TMEM79: variants seen among roughly 807,000 people sequenced by gnomAD.
TMEM79 encodes the protein transmembrane protein 79, also known as mattrin.
A neutral mutation model predicts 31.2 loss-of-function variants in TMEM79; 30 were observed. The observed-to-expected ratio is 0.96, with a 90% CI of 0.72 to 1.30. The LOEUF is 1.30. Ranked by LOEUF, TMEM79 falls within the 50% of genes most tolerant of loss-of-function variation. The probability of loss-of-function intolerance (pLI) is 0.00; values close to 1 mark genes in which losing one functional copy is unlikely to be tolerated. For synonymous variants in TMEM79, 213 were observed against 229.5 expected, an observed-to-expected ratio of 0.93 and a Z score of 0.65; for missense variants, 509 against 528.2, an observed-to-expected ratio of 0.96 and a Z score of 0.36.
rs962632350 is a variant in TMEM79 at position 156,291,613 on chromosome 1, G to A, written c.*15G>A. The A allele has an allele frequency of 6.2e-6, 10 of 1,609,980 alleles. No homozygotes were observed. The African/African-American group carries it at 6.7e-5, about 11-fold the overall frequency. ...CCTGGGGCTGAGCCTCTCCGCCCTC[G>A]CCCTCGGAGTAGGGGGTAGCGGCTT... On this transcript the variant is annotated 3_prime_UTR_variant, in exon 4 of 4. Transcript: ENST00000405535.
chr1:156,290,375 T>C (rs904579147), intron 3 of TMEM79: 1 of 151,258 alleles, frequency 6.6e-6, no homozygotes, highest in Middle Eastern at 3.4e-3. Context: ...AAGAAAAAAA[T>C]AAAAGAAAAA....
At position 156,285,721 on chromosome 1, in the gene TMEM79, C is replaced by G. The variant is rs1240937066; in HGVS notation, c.495C>G (p.Thr165=). The part of the protein sequence containing the change: ...ECRTFMPPRV[T]HPDPTERKWA... Reference sequence around the variant, plus strand: ...GAACCTTCATGCCCCCCCGGGTCACCCACCCCGACCCCACTGAGCGCAAGT... The same window carrying G: ...GAACCTTCATGCCCCCCCGGGTCACGCACCCCGACCCCACTGAGCGCAAGT... The change falls in exon 2 of 4, where the codon ACC becomes ACG. Residue 165 remains threonine (T), a synonymous_variant. Coordinates refer to ENST00000405535, the MANE Select transcript of TMEM79 (RefSeq NM_032323.3). The G allele has an allele frequency of 1.2e-6, 2 of 1,613,146 alleles. No homozygotes were observed. The highest frequency in any genetic ancestry group is 1.7e-6 in the Non-Finnish European group (2 of 1,180,028).
Position 156,291,761 on chromosome 1 carries a change from T to G in TMEM79, c.*163T>G, listed in dbSNP as rs942355595. ...CTCCAATCAATCGGAGTTCTCCCCTTGCCGGAGCTGCCCTTCACCTTTGGG... is the reference window on the plus strand; with the variant it reads ...CTCCAATCAATCGGAGTTCTCCCCTGGCCGGAGCTGCCCTTCACCTTTGGG... On this transcript the variant is annotated 3_prime_UTR_variant, in exon 4 of 4. Transcript: ENST00000405535. The G allele has an allele frequency of 1.6e-6, 1 of 642,788 alleles. No homozygotes were observed. Among genetic ancestry groups the G allele is most frequent in the Non-Finnish European group, 2.7e-6 (1 of 365,840 alleles). The allele number at this position is 642,788 out of a possible 1,614,324, so 39.8% of individuals were successfully genotyped here.
At chr1:156,283,750 C>T (rs1419561649), upstream of TMEM79, among the ~76,000 whole-genome samples, 1 of 152,214 alleles carries the variant, frequency 6.6e-6, no homozygotes, top group Admixed American at 6.5e-5. Context: ...CAGCCTAAGT[C>T]TTTCCCATCC....
rs2101597059 is a variant in TMEM79, at chr1:156,291,876, C to T, written c.*278C>T. On this transcript the variant is annotated 3_prime_UTR_variant, in exon 4 of 4. Coordinates refer to ENST00000405535, the MANE Select transcript of TMEM79 (RefSeq NM_032323.3). ...TCTTAAGGATGCTGAGGGCATGGGG[C>T]CAGGACCAGGGGAGAGGCACAGCTC... 1 of 592,970 alleles carries T rather than the reference C, an allele frequency of 1.7e-6. No individual in the cohort carries two copies. The highest frequency in any genetic ancestry group is 3.0e-6 in the Non-Finnish European group (1 of 332,606). The allele number at this position is 592,970 out of a possible 1,614,324, so 36.7% of individuals were successfully genotyped here.
At chr1:156,285,025 T>G (rs1663109223) in intron 1 of TMEM79, among the ~76,000 whole-genome samples, 159 bp from the exon 2 acceptor site, 1 of 152,142 alleles carries the variant, frequency 6.6e-6, no homozygotes, top group South Asian at 2.1e-4. Context: ...CCCTCCTCCC[T>G]CTGTTTCAGT....
chr1:156,289,135 G>C (rs574527453), intron 3 of TMEM79, among the ~76,000 whole-genome samples: 2 of 152,200 alleles, frequency 1.3e-5, no homozygotes, highest in Non-Finnish European at 2.9e-5. Flanking sequence ...AAATGAGGTC[G>C]TTATGAGGAT....
rs200608802 is a variant in TMEM79 at position 156,285,793 on chromosome 1, C to T, written c.567C>T (p.Cys189=). 37 of 1,613,432 alleles carry T rather than the reference C, an allele frequency of 2.3e-5. 1 individual carries two copies. Among genetic ancestry groups the T allele is most frequent in the Middle Eastern group, 1.7e-4 (1 of 6,056 alleles). ...VRPPGCSCGG[C]GSCGDREWLR... ...CGCCTGGCTGTTCCTGTGGGGGCTG[C>T]GGGAGCTGTGGAGACCGTGAGTGGC... Residue 189 remains cysteine, a synonymous_variant, in exon 2 of 4, where the codon TGC becomes TGT. Coordinates refer to ENST00000405535, the MANE Select transcript of TMEM79 (RefSeq NM_032323.3).
intron 3 of TMEM79, among the ~76,000 whole-genome samples, chr1:156,289,749 G>A (rs933428905): frequency 7.9e-5 from 12 of 152,244 alleles, no homozygotes; most frequent in African/African-American, 2.7e-4. Context: ...CATGAATCAT[G>A]TAATAAGTGG....
At position 156,286,440 on chromosome 1, in the gene TMEM79, T is replaced by TC; in HGVS notation, c.941dup (p.Leu315SerfsTer101). ...CTGCCCCAGGATACCCTCAAACTGC[T>TC]CCCTCTGCTCACTGGTCTCTTTGCC... On this transcript the variant is annotated frameshift_variant, in exon 3 of 4. Transcript: ENST00000405535. LOFTEE classifies it high-confidence loss of function. 1 of 1,614,106 alleles carries TC rather than the reference T, an allele frequency of 6.2e-7. No individual in the cohort carries two copies. The highest frequency in any genetic ancestry group is 8.5e-7 in the Non-Finnish European group (1 of 1,180,022).
At position 156,286,273 on chromosome 1, in the gene TMEM79, C is replaced by G; in HGVS notation, c.771C>G (p.Tyr257Ter). The change falls in exon 3 of 4, where the codon TAC (tyrosine) becomes TAG (stop). Residue 257 changes from tyrosine to a stop codon, truncating the protein, a stop_gained. Coordinates refer to ENST00000405535, the MANE Select transcript of TMEM79 (RefSeq NM_032323.3). LOFTEE classifies it high-confidence loss of function. ...AACTCCACCCAGGGATCCTGGTGTACGGGCTGAGCCTGTTATGCTTTTCTG... is the reference window on the plus strand; with the variant it reads ...AACTCCACCCAGGGATCCTGGTGTAGGGGCTGAGCCTGTTATGCTTTTCTG... ...TFPIVLGILV[Y>*]GLSLLCFSAL... 1 of 1,614,142 alleles carries G rather than the reference C, an allele frequency of 6.2e-7. No individual in the cohort carries two copies. Among genetic ancestry groups the G allele is most frequent in the Non-Finnish European group, 8.5e-7 (1 of 1,180,000 alleles).
At chr1:156,283,444 A>G (rs1299054701), upstream of TMEM79, among the ~76,000 whole-genome samples, 5 of 152,202 alleles carry the variant, frequency 3.3e-5, no homozygotes, top group South Asian at 2.1e-4. Context: ...GCTAGACACT[A>G]TCCCTGCCCT....
chr1:156,291,442 CCTGACGTTT>C lies in TMEM79; in HGVS notation c.1033_1041del (p.Thr345_Leu347del). On this transcript the variant is annotated inframe_deletion, in exon 4 of 4. Transcript: ENST00000405535. Reference sequence around the variant, plus strand: ...GCTCCTTCCGAGGCTTCGGCTACGGCCTGACGTTTCTGCCACTGCTGTCGATGCTGATGT... The same window carrying C: ...GCTCCTTCCGAGGCTTCGGCTACGGCCTGCCACTGCTGTCGATGCTGATGT... 6.2e-7 allele frequency: 1 copy of C among 1,614,024 alleles called. No homozygotes were observed. Among genetic ancestry groups the C allele is most frequent in the Non-Finnish European group, 8.5e-7 (1 of 1,180,032 alleles).
chr1:156,288,432 T>C (rs1473818705), intron 3 of TMEM79, among the ~76,000 whole-genome samples: 1 of 151,754 alleles, frequency 6.6e-6, no homozygotes, highest in African/African-American at 2.4e-5. Context: ...GTCTCCAGGC[T>C]CAAGCAGTTT....
At chr1:156,291,307 C>A in intron 3 of TMEM79, 78 bp from the exon 4 acceptor site, 1 of 1,348,790 alleles carries the variant, frequency 7.4e-7, no homozygotes, top group South Asian at 1.2e-5. Context: ...CCTATCTACT[C>A]CCCCCACCGT....
At chr1:156,286,173 C>A in intron 2 of TMEM79, 87 bp from the exon 3 acceptor site, 2 of 1,422,324 alleles carry the variant, frequency 1.4e-6, no homozygotes, top group Non-Finnish European at 2.0e-6. Context: ...CCATGCACTG[C>A]CCACAGTGAA....
rs1327679766 is a variant in TMEM79, at chr1:156,292,081, C to G, written c.*483C>G. ...AAATGCCTTAAGGATAGAGGCTGGG[C>G]ATCACATCAAATGGGACTGTGGTGT... On this transcript the variant is annotated 3_prime_UTR_variant, in exon 4 of 4. Transcript: ENST00000405535. 3 of 243,344 alleles carry G rather than the reference C, an allele frequency of 1.2e-5. No homozygotes were observed. The highest frequency in any genetic ancestry group is 2.4e-5 in the Non-Finnish European group (3 of 124,896). 15.1% of individuals were successfully genotyped at this position (243,344 alleles called of 1,614,324 possible). A position where few individuals can be genotyped will look rare whatever the true frequency, so the allele number is the denominator to read the frequency against.
Position 156,292,104 on chromosome 1 carries a change from T to C in TMEM79, c.*506T>C, listed in dbSNP as rs1369233039. On this transcript the variant is annotated 3_prime_UTR_variant, in exon 4 of 4. Transcript: ENST00000405535. ...GGCATCACATCAAATGGGACTGTGG[T>C]GTTTGGTGAAAACCTTCCTGAGGAT... 2 of 201,772 alleles carry C rather than the reference T, an allele frequency of 9.9e-6. No individual in the cohort carries two copies. The highest frequency in any genetic ancestry group is 2.0e-5 in the Non-Finnish European group (2 of 98,646). The allele number at this position is 201,772 out of a possible 1,614,324, so 12.5% of individuals were successfully genotyped here. A position where few individuals can be genotyped will look rare whatever the true frequency, so the allele number is the denominator to read the frequency against.
In TMEM79 at chr1:156,286,274, G is replaced by A. The variant is rs146787963; in HGVS notation, c.772G>A (p.Gly258Arg). The A allele has an allele frequency of 6.2e-6, 10 of 1,614,074 alleles. No individual in the cohort carries two copies. Among genetic ancestry groups the A allele is most frequent in the African/African-American group, 5.3e-5 (4 of 74,946 alleles). ...ACTCCACCCAGGGATCCTGGTGTACGGGCTGAGCCTGTTATGCTTTTCTGC... is the reference window on the plus strand; with the variant it reads ...ACTCCACCCAGGGATCCTGGTGTACAGGCTGAGCCTGTTATGCTTTTCTGC... Reference protein sequence around the residue: ...FPIVLGILVYGLSLLCFSALR... With the variant: ...FPIVLGILVYRLSLLCFSALR... Residue 258 changes from glycine to arginine, a missense_variant, in exon 3 of 4, where the codon GGG (glycine) becomes AGG (arginine). Coordinates refer to ENST00000405535, the MANE Select transcript of TMEM79 (RefSeq NM_032323.3).
Sources: allele counts gnomAD v4.1 joint callset (sites outside exome capture counted in the v4.1 genomes callset), GRCh38; gene constraint gnomAD v4.1.1; transcripts MANE v1.5; gene names NCBI Gene and HGNC (gene_info 2026-07-23, HGNC 2026-07-21).